Variants in TMEFF2 observed in about 807,000 individuals in gnomAD.
TMEFF2 encodes tomoregulin-2.
In TMEFF2, 28 loss-of-function variants were observed where a neutral mutation model predicts 53.8. The observed-to-expected ratio is 0.52, with a 90% confidence interval of 0.39 to 0.71. The LOEUF is 0.71. Ranked by LOEUF, TMEFF2 falls within the 30% of genes least tolerant of loss-of-function variation. TMEFF2 has a pLI of 0.00. For missense variants in TMEFF2, 353 were observed against 455.2 expected, an observed-to-expected ratio of 0.78 and a Z score of 2.04; for synonymous variants, 162 against 166.3, an observed-to-expected ratio of 0.97 and a Z score of 0.20.
At chr2:192,096,050 G>A (rs928676985) in intron 4 of TMEFF2, among the ~76,000 whole-genome samples, 1 of 152,124 alleles carries the variant, frequency 6.6e-6, no homozygotes, top group Admixed American at 6.6e-5. Flanking sequence ...GGTATTATGG[G>A]AATTTAAAAC....
chr2:192,136,525 T>C (rs1225967188), intron 4 of TMEFF2, among the ~76,000 whole-genome samples: 2 of 152,232 alleles, frequency 1.3e-5, no homozygotes, highest in East Asian at 3.8e-4. Context: ...TATTAGGTGA[T>C]GTTTCCATTT....
intron 7 of TMEFF2, among the ~76,000 whole-genome samples, chr2:191,972,309 T>A (rs112718284): frequency 2.0e-5 from 2 of 100,264 alleles, no homozygotes; most frequent in African/African-American, 8.9e-5. Context: ...CATGCCCAGC[T>A]TTTTTTTTTT....
At position 192,102,064 on chromosome 2, in the gene TMEFF2, G is replaced by A. The variant is rs146538254; in HGVS notation, c.440-44289C>T. On this transcript the variant is annotated intron_variant, in intron 4 of 9. Transcript: ENST00000272771. The stretch of plus-strand genomic sequence containing the variant: ...AGATGTGATTTAACTTAGTTTTGGC[G>A]TGACTAAGCTACAAAATTAGAAGGA... Among the ~76,000 whole-genome samples, 132 of 152,212 alleles carry A rather than the reference G, an allele frequency of 8.7e-4. 1 individual carries two copies. Among genetic ancestry groups the A allele is most frequent in the African/African-American group, 1.4e-3 (60 of 41,538 alleles).
chr2:192,012,126 A>C (rs4853652), intron 5 of TMEFF2, among the ~76,000 whole-genome samples: 72,854 of 151,992 alleles, frequency 0.48, 19,229 homozygotes, highest in East Asian at 0.58. Flanking sequence ...GATGGTCTCA[A>C]TCTCCTGACC....
rs150148278 is a variant in TMEFF2 at position 192,191,346 on chromosome 2, T to A, written c.282+534A>T. Among the ~76,000 whole-genome samples the A allele has an allele frequency of 2.0e-4, 31 of 152,290 alleles. 1 individual carries two copies. The East Asian group carries it at 4.4e-3, about 22-fold the overall frequency. ...TTCAGTTCTAATTGAGTGTGGTATC[T>A]ATGAAAAAGCTGATATACACTAATT... is the stretch of plus-strand genomic sequence containing the variant. On this transcript the variant is annotated intron_variant, in intron 2 of 9. Transcript: ENST00000272771.
Position 192,051,181 on chromosome 2 carries a change from C to CA in TMEFF2, c.536+6497dup, listed in dbSNP as rs531047462. On this transcript the variant is annotated intron_variant, in intron 5 of 9. Transcript: ENST00000272771. ...TTTCTCAAAAAGCCATGCACACATTCAAAAAAAACCTTGGATTTTCTAGAG... is the reference window on the plus strand; with the variant it reads ...TTTCTCAAAAAGCCATGCACACATTCAAAAAAAAACCTTGGATTTTCTAGAG... Among the ~76,000 whole-genome samples the CA allele has an allele frequency of 9.9e-4, 146 of 147,644 alleles. 1 individual carries two copies. The highest frequency in any genetic ancestry group is 1.7e-3 in the Non-Finnish European group (114 of 67,116).
intron 4 of TMEFF2, among the ~76,000 whole-genome samples, chr2:192,107,027 C>T (rs563169973): frequency 1.3e-4 from 20 of 151,518 alleles, no homozygotes; most frequent in Middle Eastern, 3.4e-3. Flanking sequence ...GTAAAATGTA[C>T]GGTTTATTTT....
intron 7 of TMEFF2, among the ~76,000 whole-genome samples, chr2:191,985,464 A>G (rs1047160979): frequency 1.3e-5 from 2 of 151,618 alleles, no homozygotes; most frequent in African/African-American, 4.9e-5. Context: ...GACTTTTAGC[A>G]TAAAACTAGT....
chr2:192,026,801 G>T (rs1686980693), intron 5 of TMEFF2, among the ~76,000 whole-genome samples: 1 of 152,126 alleles, frequency 6.6e-6, no homozygotes, highest in African/African-American at 2.4e-5. Flanking sequence ...GAAGAAAACT[G>T]AAGAAAATGC....
In TMEFF2 at chr2:192,179,671, C is replaced by T; in HGVS notation, c.436G>A (p.Gly146Arg). Residue 146 changes from glycine to arginine, a missense_variant, in exon 4 of 10, where the codon GGA becomes AGA. Physicochemically the swap from Gly to Arg is moderately radical, Grantham distance 125. This residue lies in a region of TMEFF2 where 294 missense variants were observed against 397.3 expected (regional missense o/e 0.74). Coordinates refer to ENST00000272771, the MANE Select transcript of TMEFF2 (RefSeq NM_016192.4). Reference protein sequence around the residue: ...ATDAGSGSGDGVHEGSGETSQ... With the variant: ...ATDAGSGSGDRVHEGSGETSQ... ...TATGTAAAAAGGCAACTCCTACCTC[C>T]ATCTCCAGATCCTGATCCTGCATCT... 6.5e-7 allele frequency: 1 copy of T among 1,546,028 alleles called. No individual in the cohort carries two copies. The highest frequency in any genetic ancestry group is 8.7e-7 in the Non-Finnish European group (1 of 1,150,656).
chr2:192,158,483 G>A (rs193111395), intron 4 of TMEFF2, among the ~76,000 whole-genome samples: 16 of 152,150 alleles, frequency 1.1e-4, no homozygotes, highest in East Asian at 1.9e-4. Context: ...AACACTATGC[G>A]ATATTCAGTA....
chr2:192,064,502 G>C (rs1409322329), intron 4 of TMEFF2, among the ~76,000 whole-genome samples: 1 of 151,794 alleles, frequency 6.6e-6, no homozygotes, highest in African/African-American at 2.4e-5. Flanking sequence ...CGTCTGTTCT[G>C]TATTTGCCTT....
At chr2:191,964,391 T>TC (rs1692399108) in intron 7 of TMEFF2, among the ~76,000 whole-genome samples, 1 of 25,548 alleles carries the variant, frequency 3.9e-5, no homozygotes, top group Non-Finnish European at 8.6e-5. Flanking sequence ...TCTTTCTTTC[T>TC]TTCTTTCTCT....
chr2:191,997,661 A>C (rs2105833978), intron 7 of TMEFF2, among the ~76,000 whole-genome samples: 1 of 151,790 alleles, frequency 6.6e-6, no homozygotes, highest in South Asian at 2.1e-4. Context: ...TTAGCTAGAG[A>C]CATTCTTCAA....
At position 192,161,847 on chromosome 2, in the gene TMEFF2, G is replaced by A. The variant is rs1019668912; in HGVS notation, c.439+17821C>T. Among the ~76,000 whole-genome samples the A allele has an allele frequency of 5.3e-5, 8 of 152,196 alleles. No homozygotes were observed. In the South Asian group the frequency reaches 6.2e-4, roughly 12 times the overall value. On this transcript the variant is annotated intron_variant, in intron 4 of 9. Coordinates refer to ENST00000272771, the MANE Select transcript of TMEFF2 (RefSeq NM_016192.4). ...ATAAAGCATAAGGAACAAGCAAAGA[G>A]AGGAAGTGTGATTCTTTTTTCATTT...
chr2:192,170,467 A>G (rs1690881626), intron 4 of TMEFF2, among the ~76,000 whole-genome samples: 1 of 152,002 alleles, frequency 6.6e-6, no homozygotes, highest in Non-Finnish European at 1.5e-5. Context: ...TTCCCTCTCC[A>G]ACTGATTCCA....
intron 4 of TMEFF2, among the ~76,000 whole-genome samples, chr2:192,133,736 G>C (rs1374379974): frequency 6.6e-6 from 1 of 152,164 alleles, no homozygotes; most frequent in Non-Finnish European, 1.5e-5. Flanking sequence ...GACTGACCCT[G>C]ACACCCATCA....
At chr2:192,150,911 T>C (rs2106000251) in intron 4 of TMEFF2, among the ~76,000 whole-genome samples, 1 of 151,954 alleles carries the variant, frequency 6.6e-6, no homozygotes, top group South Asian at 2.1e-4. Flanking sequence ...AAAGGATTCA[T>C]TACTTTGGTG....
chr2:192,020,642 T>C (rs1686838888), intron 5 of TMEFF2, among the ~76,000 whole-genome samples: 1 of 152,064 alleles, frequency 6.6e-6, no homozygotes, highest in East Asian at 1.9e-4. Flanking sequence ...CATCTCTGTG[T>C]TGGGAAAGTT....
Sources: allele counts gnomAD v4.1 joint callset (sites outside exome capture counted in the v4.1 genomes callset), GRCh38; gene constraint gnomAD v4.1.1; regional missense constraint gnomAD v4.1.1; transcripts MANE v1.5; gene names NCBI Gene and HGNC (gene_info 2026-07-23, HGNC 2026-07-21).